The following VWA8 variants were observed in gnomAD, a reference collection of about 807,000 sequenced individuals.
VWA8 encodes the protein von Willebrand factor A domain-containing protein 8.
Under a neutral mutation model 241.5 loss-of-function variants are expected in VWA8, and 221 were observed. That is an observed-to-expected ratio of 0.91 (90% CI 0.82 to 1.02). VWA8 has a LOEUF of 1.02. Among genes scored for constraint, VWA8 ranks in the 50% least tolerant of loss-of-function variants. The pLI, the probability that VWA8 is intolerant of heterozygous loss-of-function variation, is 0.00. For synonymous variants in VWA8, 852 were observed against 827.1 expected (o/e 1.03, Z -0.52); for missense variants, 2,322 against 2,328.7 (o/e 1.00, Z 0.06).
chr13:41,692,872 T>C lies in VWA8; in HGVS notation c.3665A>G (p.Lys1222Arg). Residue 1222 changes from lysine (K) to arginine (R), a missense_variant, in exon 30 of 45, where the codon AAA becomes AGA. Coordinates refer to ENST00000379310, the MANE Select transcript of VWA8 (RefSeq NM_015058.2). ...FTSKKPFWWN[K>R]EEAETYKMCK... is the part of the protein sequence containing the mutation. ...TGTGGTGTTTCTTACAGCTTCTTCT[T>C]TGTTCCACCAGAAAGGTTTCTTAGA... The C allele has an allele frequency of 6.2e-7, 1 of 1,610,280 alleles. No individual in the cohort carries two copies. The highest frequency in any genetic ancestry group is 8.5e-7 in the Non-Finnish European group (1 of 1,177,544).
At chr13:41,575,870 T>C in intron 42 of VWA8, 32 bp from the exon 43 acceptor site, 4 of 1,515,466 alleles carry the variant, frequency 2.6e-6, no homozygotes, top group Non-Finnish European at 2.7e-6. Flanking sequence ...AGTTATAAAC[T>C]TTTCTCCACA....
chr13:41,615,096 CA>C lies in VWA8; in HGVS notation c.4612-13del. ...CTGTTGATTGTTATCTAAAAATGAA[CA>C]ATTGAGACATTTTTACTATCCTGTG... On this transcript the variant is annotated splice_polypyrimidine_tract_variant and intron_variant, in intron 37 of 44. Coordinates refer to ENST00000379310, the MANE Select transcript of VWA8 (RefSeq NM_015058.2). 1 of 1,613,034 alleles carries C rather than the reference CA, an allele frequency of 6.2e-7. No homozygotes were observed.
chr13:41,899,984 C>G (rs921215840), intron 4 of VWA8, among the ~76,000 whole-genome samples: 1 of 152,112 alleles, frequency 6.6e-6, no homozygotes, highest in African/African-American at 2.4e-5. Flanking sequence ...CTTAGCTCTA[C>G]GAAGGATGAG....
At chr13:41,882,277 A>G (rs917649923) in intron 9 of VWA8, among the ~76,000 whole-genome samples, 5 of 148,094 alleles carry the variant, frequency 3.4e-5, no homozygotes, top group African/African-American at 1.0e-4. Flanking sequence ...GTCACTTCCT[A>G]GATGGGATGG....
rs537385150 is a variant in VWA8, at chr13:41,729,457, T to A, written c.2638+85A>T. The A allele has an allele frequency of 2.2e-6, 3 of 1,335,676 alleles. No individual in the cohort carries two copies. In the East Asian group the frequency reaches 7.5e-5, roughly 34 times the overall value. The allele number at this position is 1,335,676 out of a possible 1,614,324, so 82.7% of individuals were successfully genotyped here. A position where few individuals can be genotyped will look rare whatever the true frequency, so the allele number is the denominator to read the frequency against. ...TTGAACTTATGCTTATTATTGTAAA[T>A]AAGTAGGCAGCTAAGTTTGTGATTT... On this transcript the variant is annotated intron_variant, in intron 23 of 44. Coordinates refer to ENST00000379310, the MANE Select transcript of VWA8 (RefSeq NM_015058.2).
At chr13:41,616,433 A>C (rs149772598) in intron 37 of VWA8, among the ~76,000 whole-genome samples, 1 of 152,336 alleles carries the variant, frequency 6.6e-6, no homozygotes, top group East Asian at 1.9e-4. Context: ...ATGCTCTAAA[A>C]ATGGGTGAAA....
Position 41,732,138 on chromosome 13 carries a change from G to C in VWA8, c.2444C>G (p.Thr815Ser), listed in dbSNP as rs1174640135. Residue 815 changes from threonine to serine, a missense_variant, in exon 22 of 45, where the codon ACT becomes AGT. Thr to Ser is a moderately conservative substitution (Grantham distance 58). Coordinates refer to ENST00000379310, the MANE Select transcript of VWA8 (RefSeq NM_015058.2). ...IQLHRDTTVQ[T>S]LTLQPSVKDG... is the part of the protein sequence containing the mutation. ...TTTAACCGAAGGCTGAAGCGTAAGA[G>C]TTTGTACTGTGGTATCCCTAAAGTA... The C allele has an allele frequency of 6.2e-7, 1 of 1,612,882 alleles. No homozygotes were observed. Among genetic ancestry groups the C allele is most frequent in the African/African-American group, 1.3e-5 (1 of 74,876 alleles).
chr13:41,958,846 G>A (rs566827722), intron 1 of VWA8, among the ~76,000 whole-genome samples: 2 of 152,182 alleles, frequency 1.3e-5, no homozygotes, highest in Non-Finnish European at 2.9e-5. Context: ...CACATTTGAA[G>A]CAAAGCCTAT....
rs562645083 is a variant in VWA8, at chr13:41,955,017, C to A, written c.164-5004G>T. On this transcript the variant is annotated intron_variant, in intron 1 of 44. Coordinates refer to ENST00000379310, the MANE Select transcript of VWA8 (RefSeq NM_015058.2). The stretch of plus-strand genomic sequence containing the variant: ...CTAAGTTTTAATCATCATTTTATCC[C>A]CAATACCTGAAACCTACCAGATATT... 3.9e-4 allele frequency among the ~76,000 whole-genome samples: 59 copies of A among 152,064 alleles called. 1 individual carries two copies. The South Asian group carries it at 0.012, about 32-fold the overall frequency.
In VWA8 at chr13:41,685,199, T is replaced by C; in HGVS notation, c.4175A>G (p.His1392Arg). Reference protein sequence around the residue: ...VYSWKRPSSLHKRSGTDTSFY... With the variant: ...VYSWKRPSSLRKRSGTDTSFY... ...TGATGTATCAGTGCCACTTCGTTTA[T>C]GCAAAGATGATGGTCTCTTCCAAGA... The change falls in exon 35 of 45, where the codon CAT becomes CGT. Residue 1392 changes from histidine (H) to arginine (R), a missense_variant. His to Arg is a conservative substitution (Grantham distance 29, BLOSUM62 0). Transcript: ENST00000379310. 6.2e-7 allele frequency: 1 copy of C among 1,613,262 alleles called. No homozygotes were observed. Among genetic ancestry groups the C allele is most frequent in the Non-Finnish European group, 8.5e-7 (1 of 1,179,650 alleles).
intron 26 of VWA8, among the ~76,000 whole-genome samples, chr13:41,710,247 G>A (rs1443200620): frequency 6.6e-6 from 1 of 152,090 alleles, no homozygotes; most frequent in East Asian, 1.9e-4. Flanking sequence ...TACTTTGCAG[G>A]TATATTTAGA....
chr13:41,611,496 C>A, intron 39 of VWA8, 80 bp downstream of exon 39: 1 of 1,505,260 alleles, frequency 6.6e-7, no homozygotes, highest in Non-Finnish European at 9.0e-7. Context: ...GAAACACACA[C>A]AAATCTAGGT....
chr13:41,675,114 T>C (rs543685861), intron 36 of VWA8, 101 bp downstream of exon 36: 39 of 720,240 alleles, frequency 5.4e-5, no homozygotes, highest in Non-Finnish European at 6.4e-5. Flanking sequence ...GAGCTTGCTA[T>C]TTAAAGAAGC....
At chr13:41,729,418 C>G in intron 23 of VWA8, 124 bp downstream of exon 23, 1 of 905,372 alleles carries the variant, frequency 1.1e-6, no homozygotes, top group Non-Finnish European at 1.6e-6. Context: ...TCAATACAGG[C>G]AACTTAAGTC....
Position 41,778,017 on chromosome 13 carries a change from G to A in VWA8, c.2317C>T (p.Leu773Phe), listed in dbSNP as rs148830638. Reference protein sequence around the residue: ...VMEDMLKDFLLGEHLLLVGNQ... With the variant: ...VMEDMLKDFLFGEHLLLVGNQ... ...CCAACCAATAATAAGTGTTCTCCAA[G>A]GAGAAAGTCTTTCAGCATATCTTCC... Residue 773 changes from leucine (L) to phenylalanine (F), a missense_variant, in exon 20 of 45, where the codon CTT becomes TTT. Transcript: ENST00000379310. 1 of 1,611,484 alleles carries A rather than the reference G, an allele frequency of 6.2e-7. No homozygotes were observed. Among genetic ancestry groups the A allele is most frequent in the Non-Finnish European group, 8.5e-7 (1 of 1,179,098 alleles).
chr13:41,665,382 A>G (rs2044979111), intron 37 of VWA8, among the ~76,000 whole-genome samples: 1 of 152,088 alleles, frequency 6.6e-6, no homozygotes, highest in South Asian at 2.1e-4. Context: ...ATCACCTACA[A>G]AGTTGAACCA....
intron 40 of VWA8, among the ~76,000 whole-genome samples, chr13:41,603,484 A>G (rs1304916590): frequency 2.0e-5 from 3 of 152,164 alleles, no homozygotes; most frequent in Non-Finnish European, 2.9e-5. Flanking sequence ...ACAAATACCA[A>G]TTAAGACATC....
At chr13:41,813,228 A>G (rs1870545697) in intron 16 of VWA8, among the ~76,000 whole-genome samples, 1 of 152,186 alleles carries the variant, frequency 6.6e-6, no homozygotes, top group African/African-American at 2.4e-5. Context: ...CAGCAGCAGC[A>G]TAGAAAGTGG....
At chr13:41,568,366 G>T in intron 44 of VWA8, 61 bp from the exon 45 acceptor site, 1 of 1,417,648 alleles carries the variant, frequency 7.1e-7, no homozygotes, top group Non-Finnish European at 1.0e-6. Context: ...TCCACCTCCT[G>T]CCCTGGCAAA....
Sources: gnomAD v4.1 joint callset for allele counts (sites outside exome capture counted in the v4.1 genomes callset) on GRCh38, gnomAD v4.1.1 for gene constraint, MANE v1.5 for transcripts, NCBI Gene and HGNC (gene_info 2026-07-23, HGNC 2026-07-21) for gene names.